Variants in CDH20 observed in about 807,000 individuals in gnomAD.
CDH20 encodes cadherin 20, also known as cadherin-20.
A neutral mutation model predicts 74.2 loss-of-function variants in CDH20; 29 were observed. That is an observed-to-expected ratio of 0.39 (90% CI 0.29 to 0.53). The LOEUF (loss-of-function observed/expected upper bound fraction) is 0.53, where lower values mean the gene tolerates loss of function less well. Among genes scored for constraint, CDH20 ranks in the 20% least tolerant of loss-of-function variants. The probability of loss-of-function intolerance (pLI) is 0.69; values close to 1 mark genes in which losing one functional copy is unlikely to be tolerated. For synonymous variants in CDH20, 469 were observed against 405.4 expected, an observed-to-expected ratio of 1.16 and a Z score of -1.88; for missense variants, 988 against 1,048.3, an observed-to-expected ratio of 0.94 and a Z score of 0.79.
At chr18:61,481,843 G>T (rs1286392982) in intron 1 of CDH20, among the ~76,000 whole-genome samples, 1 of 152,038 alleles carries the variant, frequency 6.6e-6, no homozygotes, top group Admixed American at 6.6e-5. Context: ...AACCCACCAT[G>T]CCTGGCCCAA....
At chr18:61,379,849 G>A (rs1040043477) in intron 1 of CDH20, among the ~76,000 whole-genome samples, 1 of 152,160 alleles carries the variant, frequency 6.6e-6, no homozygotes, top group Non-Finnish European at 1.5e-5. Flanking sequence ...AAGCAGAGAG[G>A]TAGGTCTTTG....
chr18:61,511,979 C>T (rs557214764), intron 6 of CDH20, among the ~76,000 whole-genome samples: 6 of 152,320 alleles, frequency 3.9e-5, no homozygotes, highest in African/African-American at 1.2e-4. Context: ...CAGTCTACGC[C>T]TTTGCAACAA....
chr18:61,491,484 C>T (rs1324080814), intron 2 of CDH20, among the ~76,000 whole-genome samples: 1 of 152,192 alleles, frequency 6.6e-6, no homozygotes, highest in East Asian at 1.9e-4. Flanking sequence ...CAAATGGTAA[C>T]TTAAACGCTT....
chr18:61,469,457 A>G (rs1003661528), intron 1 of CDH20, among the ~76,000 whole-genome samples: 1 of 152,164 alleles, frequency 6.6e-6, no homozygotes, highest in Non-Finnish European at 1.5e-5. Context: ...TCACACACAC[A>G]GGTGATCTGG....
At chr18:61,543,183 A>G (rs983271825) in intron 9 of CDH20, among the ~76,000 whole-genome samples, 7 of 152,178 alleles carry the variant, frequency 4.6e-5, no homozygotes, top group African/African-American at 1.7e-4. Flanking sequence ...ACCCCCAGTT[A>G]TTTAATCTTC....
rs1050387915 is a variant in CDH20, at chr18:61,550,164, T to G, written c.1835T>G (p.Met612Arg). Residue 612 changes from methionine to arginine, a missense_variant, in exon 11 of 12, where the codon ATG becomes AGG. Around this residue, in one of 2 missense-constraint regions of CDH20, gnomAD observed 375 missense variants for 293.1 expected, o/e 1.28. Coordinates refer to ENST00000262717, the MANE Select transcript of CDH20 (RefSeq NM_031891.4). ...ATGTCCTGCAGCCCAGAGGCCTACA[T>G]GCTCCCAGTCAGTTTGAGCCGGGGC... ...HVMSCSPEAYMLPVSLSRGAL... is the reference protein window; with the variant it reads ...HVMSCSPEAYRLPVSLSRGAL... The G allele has an allele frequency of 5.0e-6, 8 of 1,614,180 alleles. No homozygotes were observed. Among genetic ancestry groups the G allele is most frequent in the Non-Finnish European group, 5.9e-6 (7 of 1,180,048 alleles).
intron 1 of CDH20, among the ~76,000 whole-genome samples, chr18:61,477,373 A>G (rs1436271902): frequency 6.6e-6 from 1 of 152,220 alleles, no homozygotes; most frequent in Non-Finnish European, 1.5e-5. Flanking sequence ...GCTAATTCCA[A>G]CATAACTTGA....
chr18:61,479,094 C>G (rs964559120), intron 1 of CDH20, among the ~76,000 whole-genome samples: 1 of 151,998 alleles, frequency 6.6e-6, no homozygotes, highest in Non-Finnish European at 1.5e-5. Flanking sequence ...ATCTTCACTA[C>G]ATCTATTTCA....
chr18:61,465,661 T>A lies in CDH20; in HGVS notation c.-152-24741T>A, dbSNP rs573834105. Among the ~76,000 whole-genome samples, 4 of 151,102 alleles carry A rather than the reference T, an allele frequency of 2.6e-5. No individual in the cohort carries two copies. The South Asian group carries it at 8.4e-4, about 32-fold the overall frequency. On this transcript the variant is annotated intron_variant, in intron 1 of 11. Transcript: ENST00000262717. ...TTTCAAATCAAGTGAATTGTAATGG[T>A]CCATTTTGAAAATTAACATTGAAAT...
In CDH20 at chr18:61,411,836, A is replaced by G. The variant is rs146244280; in HGVS notation, c.-153+78009A>G. 2.9e-3 allele frequency among the ~76,000 whole-genome samples: 448 copies of G among 152,138 alleles called. 7 individuals carry two copies. The highest frequency in any genetic ancestry group is 1.0e-2 in the African/African-American group (415 of 41,530). On this transcript the variant is annotated intron_variant, in intron 1 of 11. Transcript: ENST00000262717. ...TAAGAATGATACAATGGACTTTGGG[A>G]CTTGGGTGGAGAGGGAAGTTGTGGG... is the stretch of plus-strand genomic sequence containing the variant.
intron 1 of CDH20, among the ~76,000 whole-genome samples, chr18:61,344,311 C>A (rs1324624008): frequency 1.3e-5 from 2 of 152,092 alleles, no homozygotes; most frequent in East Asian, 1.9e-4. Context: ...AATATCATCA[C>A]CATTTAGTAG....
intron 6 of CDH20, among the ~76,000 whole-genome samples, chr18:61,520,340 G>GAC (rs1912162760): frequency 1.5e-5 from 2 of 131,128 alleles, no homozygotes; most frequent in Non-Finnish European, 3.3e-5. Context: ...AAAAGACAAA[G>GAC]AAGGGCATTA....
chr18:61,482,189 C>T (rs1378306321), intron 1 of CDH20, among the ~76,000 whole-genome samples: 1 of 152,008 alleles, frequency 6.6e-6, no homozygotes, highest in Non-Finnish European at 1.5e-5. Context: ...ATGCCCAAAG[C>T]CCCTTTGAAG....
intron 1 of CDH20, among the ~76,000 whole-genome samples, chr18:61,412,108 A>C (rs1018377172): frequency 3.3e-5 from 5 of 152,134 alleles, no homozygotes; most frequent in African/African-American, 1.2e-4. Context: ...GATGGATTGA[A>C]AGAACACATT....
intron 7 of CDH20, among the ~76,000 whole-genome samples, chr18:61,531,774 G>A (rs577086524): frequency 6.6e-6 from 1 of 152,238 alleles, no homozygotes; most frequent in East Asian, 1.9e-4. Flanking sequence ...GATAGTGAGT[G>A]AGTTCTCACG....
intron 1 of CDH20, among the ~76,000 whole-genome samples, chr18:61,406,245 G>A (rs1303169658): frequency 1.3e-5 from 2 of 152,096 alleles, no homozygotes; most frequent in African/African-American, 2.4e-5. Flanking sequence ...TTATGTGTTC[G>A]TTAAATACAG....
At chr18:61,524,230 A>G (rs1023442006) in intron 6 of CDH20, among the ~76,000 whole-genome samples, 1 of 152,272 alleles carries the variant, frequency 6.6e-6, no homozygotes. Context: ...GGAAGTGCCA[A>G]TCAGAACTAC....
At chr18:61,364,245 C>T (rs1390727581) in intron 1 of CDH20, among the ~76,000 whole-genome samples, 2 of 152,132 alleles carry the variant, frequency 1.3e-5, no homozygotes, top group African/African-American at 4.8e-5. Flanking sequence ...TTTGGGTCAC[C>T]AGGGCAGATA....
At chr18:61,404,809 T>C in intron 1 of CDH20, 1 of 335,254 alleles carries the variant, frequency 3.0e-6, no homozygotes, top group Non-Finnish European at 5.4e-6. Flanking sequence ...TTTTTTTTTT[T>C]TTTTTAACAA....
Sources: allele counts gnomAD v4.1 joint callset (sites outside exome capture counted in the v4.1 genomes callset), GRCh38; gene constraint gnomAD v4.1.1; regional missense constraint gnomAD v4.1.1; transcripts MANE v1.5; gene names NCBI Gene and HGNC (gene_info 2026-07-23, HGNC 2026-07-21).